Variants in PCDHA7 observed in about 807,000 individuals in gnomAD.
The protein encoded by PCDHA7 is protocadherin alpha-7.
In PCDHA7, 37 loss-of-function variants were observed where a neutral mutation model predicts 57.2. The ratio of observed to expected loss-of-function variants is 0.65; its 90% confidence interval spans 0.50 to 0.85. PCDHA7 has a LOEUF of 0.85. PCDHA7 is among the 40% of genes least tolerant of loss of function. The pLI is 0.00. For missense variants in PCDHA7, 1,188 were observed against 1,241.8 expected (o/e 0.96, Z 0.65); for synonymous variants, 553 against 558.8 (o/e 0.99, Z 0.15).
In PCDHA7 at chr5:140,857,359, G is replaced by C. The variant is rs200721411; in HGVS notation, c.2355+20621G>C. 31 of 1,598,398 alleles carry C rather than the reference G, an allele frequency of 1.9e-5. 2 individuals carry two copies. In the African/African-American group the frequency reaches 2.4e-4, roughly 12 times the overall value. The stretch of plus-strand genomic sequence containing the variant: ...GGGGCTCGCCTCCGCTGTGGGCCAC[G>C]GCCAGCGTGTCTGTGGAGGTGGCCG... On this transcript the variant is annotated intron_variant, in intron 1 of 3. Transcript: ENST00000525929.
chr5:140,968,285 T>A, intron 1 of PCDHA7: 1 of 1,614,006 alleles, frequency 6.2e-7, no homozygotes, highest in Non-Finnish European at 8.5e-7. Flanking sequence ...GGTGACCTAC[T>A]CCCTTCTGGA....
rs2150246774 is a variant in PCDHA7, at chr5:140,835,857, T to C, written c.1474T>C (p.Tyr492His). Residue 492 changes from tyrosine (Y) to histidine (H), a missense_variant, in exon 1 of 4, where the codon TAC becomes CAC. Tyr to His is a moderately conservative substitution (Grantham distance 83). Coordinates refer to ENST00000525929, the MANE Select transcript of PCDHA7 (RefSeq NM_018910.3). ...ADAQKNALVS[Y>H]SLVELRVGER... ...CGCGCAGAAGAACGCGCTGGTGTCC[T>C]ACTCGCTGGTGGAGCTGCGGGTGGG... 1.9e-6 allele frequency: 3 copies of C among 1,612,210 alleles called. No homozygotes were observed. Among genetic ancestry groups the C allele is most frequent in the Non-Finnish European group, 8.5e-7 (1 of 1,179,648 alleles).
At chr5:140,849,348 G>A (rs1426659578) in intron 1 of PCDHA7, 2 of 1,434,152 alleles carry the variant, frequency 1.4e-6, no homozygotes, top group Non-Finnish European at 9.5e-7. Flanking sequence ...CTCCAGTGAT[G>A]TTTCTCCAGA....
At chr5:140,996,389 A>G (rs543903221) in intron 3 of PCDHA7, among the ~76,000 whole-genome samples, 3 of 152,328 alleles carry the variant, frequency 2.0e-5, no homozygotes, top group Admixed American at 1.3e-4. Context: ...ATAATGCCTC[A>G]TAGAGTTTCA....
intron 1 of PCDHA7, chr5:140,869,254 G>C (rs2050982255): frequency 6.2e-7 from 1 of 1,613,494 alleles, no homozygotes; most frequent in African/African-American, 1.3e-5. Flanking sequence ...CATCGCGCAG[G>C]ACCTGGGGCT....
At chr5:140,862,473 A>G in intron 1 of PCDHA7, 1 of 377,242 alleles carries the variant, frequency 2.7e-6, no homozygotes. Flanking sequence ...GAGCAAATCT[A>G]TCCATTGTTG....
chr5:141,008,941 G>T, intron 3 of PCDHA7, among the ~76,000 whole-genome samples: 1 of 152,140 alleles, frequency 6.6e-6, no homozygotes, highest in East Asian at 1.9e-4. Context: ...TCTTGTTTTG[G>T]ACAAAATAGA....
rs17119229 is a variant in PCDHA7, at chr5:140,842,497, T to C, written c.2355+5759T>C. ...AGGTGACCTGCTCCCTGATGCCCCA[T>C]GTCCCCTTCAAGCTGGTGTCCACCT... is the stretch of plus-strand genomic sequence containing the variant. On this transcript the variant is annotated intron_variant, in intron 1 of 3. Transcript: ENST00000525929. 27 of 1,613,862 alleles carry C rather than the reference T, an allele frequency of 1.7e-5. No homozygotes were observed. The South Asian group carries it at 1.8e-4, about 11-fold the overall frequency.
chr5:140,851,165 G>T, intron 1 of PCDHA7: 1 of 1,284,508 alleles, frequency 7.8e-7, no homozygotes, highest in Non-Finnish European at 1.0e-6. Flanking sequence ...ATGCTATGCT[G>T]CCATAACACT....
chr5:140,999,822 T>C (rs1389164136), intron 3 of PCDHA7, among the ~76,000 whole-genome samples: 3 of 152,222 alleles, frequency 2.0e-5, no homozygotes, highest in Non-Finnish European at 4.4e-5. Context: ...GAGCTGTGGC[T>C]TTAAAAATAT....
chr5:140,847,561 C>T (rs2150401906), intron 1 of PCDHA7: 1 of 148,992 alleles, frequency 6.7e-6, no homozygotes, highest in Non-Finnish European at 1.5e-5. Flanking sequence ...CAGAAATTGC[C>T]CCGAGTACTA....
At chr5:140,959,999 A>G (rs564390780) in intron 1 of PCDHA7, among the ~76,000 whole-genome samples, 2 of 152,318 alleles carry the variant, frequency 1.3e-5, no homozygotes, top group African/African-American at 4.8e-5. Flanking sequence ...ATGAAATACA[A>G]ATCTATTTTG....
intron 1 of PCDHA7, chr5:140,927,432 C>T: frequency 5.6e-6 from 9 of 1,614,124 alleles, no homozygotes; most frequent in Non-Finnish European, 5.9e-6. Flanking sequence ...TTGACGGCAG[C>T]GAATACCCGG....
intron 1 of PCDHA7, among the ~76,000 whole-genome samples, chr5:140,963,972 A>G (rs1233467161): frequency 2.0e-5 from 3 of 152,216 alleles, no homozygotes; most frequent in Non-Finnish European, 4.4e-5. Flanking sequence ...GACTGACTCC[A>G]AAGTCTATAT....
intron 1 of PCDHA7, chr5:140,857,675 C>T (rs1343696069): frequency 3.1e-6 from 5 of 1,596,928 alleles, no homozygotes; most frequent in Admixed American, 3.4e-5. Context: ...GGGCGTGCCG[C>T]CTCTGGGCAG....
intron 1 of PCDHA7, among the ~76,000 whole-genome samples, chr5:140,939,130 A>T (rs1183803741): frequency 6.6e-6 from 1 of 152,204 alleles, no homozygotes; most frequent in Admixed American, 6.5e-5. Context: ...TGGAAGCTGG[A>T]AAGTTGATGA....
chr5:140,882,505 G>A (rs782409687), intron 1 of PCDHA7: 13 of 1,614,168 alleles, frequency 8.1e-6, no homozygotes, highest in South Asian at 2.2e-5. Flanking sequence ...AGGTAAATCT[G>A]CAGAATGGCA....
intron 3 of PCDHA7, among the ~76,000 whole-genome samples, chr5:140,989,538 T>TAAA (rs2097347158): frequency 6.6e-6 from 1 of 152,180 alleles, no homozygotes; most frequent in Non-Finnish European, 1.5e-5. Flanking sequence ...GAAGATAGTT[T>TAAA]GTAATTCCTT....
intron 1 of PCDHA7, among the ~76,000 whole-genome samples, chr5:140,872,031 C>A (rs1383565952): frequency 6.6e-6 from 1 of 152,220 alleles, no homozygotes; most frequent in Non-Finnish European, 1.5e-5. Context: ...AACTGCTAAG[C>A]TCAAAGAATT....
Sources: allele counts gnomAD v4.1 joint callset (sites outside exome capture counted in the v4.1 genomes callset), GRCh38; gene constraint gnomAD v4.1.1; transcripts MANE v1.5; gene names NCBI Gene and HGNC (gene_info 2026-07-23, HGNC 2026-07-21).